AKAP13: variants seen among roughly 807,000 people sequenced by gnomAD.
AKAP13 encodes A-kinase anchor protein 13.
Under a neutral mutation model 264.5 loss-of-function variants are expected in AKAP13, and 80 were observed. The observed-to-expected ratio is 0.30, with a 90% CI of 0.25 to 0.36. AKAP13 has a LOEUF of 0.36. Among genes scored for constraint, AKAP13 ranks in the 10% least tolerant of loss-of-function variants. AKAP13 has a pLI of 1.00. For synonymous variants in AKAP13, 1,380 were observed against 1,250.2 expected (o/e 1.10, Z -2.19); for missense variants, 3,712 against 3,435.2 (o/e 1.08, Z -2.01).
chr15:85,662,673 C>G (rs906338996), intron 12 of AKAP13, among the ~76,000 whole-genome samples: 1 of 152,156 alleles, frequency 6.6e-6, no homozygotes, highest in African/African-American at 2.4e-5. Flanking sequence ...TCTCAAATGG[C>G]CATAGATTTG....
intron 14 of AKAP13, 138 bp downstream of exon 14, chr15:85,669,968 TAAAC>T: frequency 2.1e-6 from 1 of 484,932 alleles, no homozygotes; most frequent in Non-Finnish European, 3.7e-6. Flanking sequence ...GCTCAGCACT[TAAAC>T]AGAAAAGGTG....
chr15:85,741,735 A>AC (rs1567226006), intron 35 of AKAP13, among the ~76,000 whole-genome samples: 17 of 137,978 alleles, frequency 1.2e-4, no homozygotes, highest in African/African-American at 4.3e-4. Context: ...CAAACAAAAA[A>AC]AAAAAACAGT....
chr15:85,482,622 G>A (rs1462874033), intron 1 of AKAP13, among the ~76,000 whole-genome samples: 4 of 152,188 alleles, frequency 2.6e-5, no homozygotes, highest in East Asian at 1.9e-4. Flanking sequence ...ACGTTTTAAC[G>A]TCAGACTGGG....
chr15:85,488,090 G>T lies in AKAP13; in HGVS notation c.33+2337G>T, dbSNP rs568627601. Among the ~76,000 whole-genome samples the T allele has an allele frequency of 2.3e-4, 35 of 152,280 alleles. No homozygotes were observed. In the South Asian group the frequency reaches 7.3e-3, roughly 32 times the overall value. On this transcript the variant is annotated intron_variant, in intron 2 of 36. Transcript: ENST00000394518. ...TTGTATTTATTTTTTGTAGAGACGA[G>T]ATCTGACTATGCTGCCCAGGTTGGG...
At position 85,606,957 on chromosome 15, in the gene AKAP13, T is replaced by G. The variant is rs1210666851; in HGVS notation, c.4161+21134T>G. Among the ~76,000 whole-genome samples, 3 of 152,176 alleles carry G rather than the reference T, an allele frequency of 2.0e-5. No homozygotes were observed. In the East Asian group the frequency reaches 5.8e-4, roughly 29 times the overall value. The stretch of plus-strand genomic sequence containing the variant: ...TGGGTGGGGATTGTTTCGGGGACAT[T>G]TTAAGTTCAATCCAAATTAGGCACT... On this transcript the variant is annotated intron_variant, in intron 8 of 36. Transcript: ENST00000394518.
At chr15:85,409,557 G>T (rs757146785) in intron 1 of AKAP13, among the ~76,000 whole-genome samples, 3 of 150,646 alleles carry the variant, frequency 2.0e-5, no homozygotes, top group Admixed American at 6.6e-5. Flanking sequence ...AGAGTTGCTA[G>T]AATTTTCTCC....
At chr15:85,630,267 A>ACACACACACACACACACACACACAC (rs59810548) in intron 8 of AKAP13, among the ~76,000 whole-genome samples, 1 of 151,276 alleles carries the variant, frequency 6.6e-6, no homozygotes, top group Non-Finnish European at 1.5e-5. Flanking sequence ...ACACACACAC[A>ACACACACACACACACACACACACAC]AACACAATGA....
At chr15:85,617,988 G>A (rs1406003477) in intron 8 of AKAP13, among the ~76,000 whole-genome samples, 1 of 152,206 alleles carries the variant, frequency 6.6e-6, no homozygotes, top group African/African-American at 2.4e-5. Context: ...CACTGCACAT[G>A]TTGGTACCAC....
chr15:85,420,750 AAG>A (rs2072483090), intron 1 of AKAP13, among the ~76,000 whole-genome samples: 2 of 152,322 alleles, frequency 1.3e-5, no homozygotes, highest in East Asian at 3.9e-4. Flanking sequence ...GAAATATTGA[AAG>A]AGAATTTCCC....
chr15:85,559,437 G>A (rs2078277426), intron 5 of AKAP13, among the ~76,000 whole-genome samples: 1 of 152,084 alleles, frequency 6.6e-6, no homozygotes, highest in African/African-American at 2.4e-5. Flanking sequence ...TGGTTGAGGG[G>A]ATGATTCAAG....
chr15:85,682,739 C>G (rs2084664751), intron 15 of AKAP13, among the ~76,000 whole-genome samples: 1 of 152,052 alleles, frequency 6.6e-6, no homozygotes, highest in Non-Finnish European at 1.5e-5. Flanking sequence ...GCGATCTTGG[C>G]TCACTGCAAC....
intron 8 of AKAP13, among the ~76,000 whole-genome samples, chr15:85,596,002 C>T (rs2079809706): frequency 6.6e-6 from 1 of 152,134 alleles, no homozygotes; most frequent in Non-Finnish European, 1.5e-5. Context: ...TCATTTCATA[C>T]AGTGATGTAG....
chr15:85,667,528 C>A (rs1468500826), intron 13 of AKAP13, among the ~76,000 whole-genome samples: 1 of 152,084 alleles, frequency 6.6e-6, no homozygotes, highest in African/African-American at 2.4e-5. Flanking sequence ...GTGAAAAAAT[C>A]TTTAAAATAA....
In AKAP13 at chr15:85,744,926, T is replaced by C. The variant is rs937111590; in HGVS notation, c.*249T>C. ...GACTCTCAGGTTGGGCTGGCCCTAC[T>C]CAGGATTACACTGAAAGTAATGGCC... is the stretch of plus-strand genomic sequence containing the variant. On this transcript the variant is annotated 3_prime_UTR_variant, in exon 37 of 37. Coordinates refer to ENST00000394518, the MANE Select transcript of AKAP13 (RefSeq NM_007200.5). 4.6e-6 allele frequency: 2 copies of C among 430,978 alleles called. No individual in the cohort carries two copies. 26.7% of individuals were successfully genotyped at this position (430,978 alleles called of 1,614,324 possible).
chr15:85,555,792 C>T (rs140558434), intron 5 of AKAP13, among the ~76,000 whole-genome samples: 5 of 152,276 alleles, frequency 3.3e-5, no homozygotes, highest in African/African-American at 1.2e-4. Flanking sequence ...AGTTGAAACT[C>T]ATCCTGGGCT....
In AKAP13 at chr15:85,735,084, G is replaced by A. The variant is rs141334273; in HGVS notation, c.7375G>A (p.Val2459Ile). ...SPIEQDVVGP[V>I]SLPRRAETFG... ...CATTGAGCAAGATGTGGTCGGTCCC[G>A]TTTCCCTGCCCCGGAGAGCAGAGAC... Residue 2459 changes from valine to isoleucine, a missense_variant, in exon 31 of 37, where the codon GTT becomes ATT. This residue lies in a region of AKAP13 where 611 missense variants were observed against 539.3 expected (regional missense o/e 1.13). Transcript: ENST00000394518. 206 of 1,614,084 alleles carry A rather than the reference G, an allele frequency of 1.3e-4. No homozygotes were observed. Among genetic ancestry groups the A allele is most frequent in the Middle Eastern group, 1.6e-4 (1 of 6,078 alleles).
chr15:85,677,451 A>G (rs1049234561), intron 14 of AKAP13, among the ~76,000 whole-genome samples: 3 of 152,134 alleles, frequency 2.0e-5, no homozygotes, highest in Non-Finnish European at 4.4e-5. Context: ...TTGACAATGT[A>G]AATTTTATTT....
chr15:85,620,999 G>A (rs376694817), intron 8 of AKAP13, among the ~76,000 whole-genome samples: 12 of 152,196 alleles, frequency 7.9e-5, no homozygotes, highest in African/African-American at 2.9e-4. Context: ...AGTCAACCAA[G>A]CATTTCATAG....
chr15:85,466,875 C>A (rs2074760505), intron 1 of AKAP13, among the ~76,000 whole-genome samples: 1 of 151,778 alleles, frequency 6.6e-6, no homozygotes, highest in Non-Finnish European at 1.5e-5. Context: ...AATTTTTGTC[C>A]ACTGCTATTT....
Sources: gnomAD v4.1 joint callset for allele counts (sites outside exome capture counted in the v4.1 genomes callset) on GRCh38, gnomAD v4.1.1 for gene constraint, gnomAD v4.1.1 regional missense constraint, MANE v1.5 for transcripts, NCBI Gene and HGNC (gene_info 2026-07-23, HGNC 2026-07-21) for gene names.